Variants in CUX1 observed in about 807,000 individuals in gnomAD.
CUX1 encodes protein CASP.
In CUX1, 31 loss-of-function variants were observed where a neutral mutation model predicts 158.8. That is an observed-to-expected ratio of 0.20 (90% CI 0.15 to 0.26). The LOEUF is 0.26. CUX1 is among the 10% of genes least tolerant of loss of function. The pLI, the probability that CUX1 is intolerant of heterozygous loss-of-function variation, is 1.00. For synonymous variants in CUX1, 879 were observed against 862.1 expected (o/e 1.02, Z -0.34); for missense variants, 1,589 against 2,014.6 (o/e 0.79, Z 4.04).
intron 2 of CUX1, among the ~76,000 whole-genome samples, chr7:101,996,206 A>G (rs1815858548): frequency 6.6e-6 from 1 of 152,096 alleles, no homozygotes; most frequent in Non-Finnish European, 1.5e-5. Flanking sequence ...ATCTTACCCC[A>G]CAGACCCAGG....
intron 1 of CUX1, among the ~76,000 whole-genome samples, chr7:101,860,058 C>T (rs1797275690): frequency 6.9e-6 from 1 of 144,302 alleles, no homozygotes; most frequent in Non-Finnish European, 1.5e-5. Context: ...TTTTTCCTCT[C>T]TCTCTCTGTC....
rs1205333039 is a variant in CUX1, at chr7:102,257,401, C to A, written c.*8359C>A. 1.0e-6 allele frequency: 1 copy of A among 984,790 alleles called. No individual in the cohort carries two copies. Among genetic ancestry groups the A allele is most frequent in the Non-Finnish European group, 1.2e-6 (1 of 829,830 alleles). The allele number at this position is 984,790 out of a possible 1,614,324, so 61.0% of individuals were successfully genotyped here. Reference sequence around the variant, plus strand: ...CTTGAGAAAACGGGCATCTCACGTACCCCCATCTGAGACCTCTTGGAAAAA... The same window carrying A: ...CTTGAGAAAACGGGCATCTCACGTAACCCCATCTGAGACCTCTTGGAAAAA... On this transcript the variant is annotated 3_prime_UTR_variant, in exon 24 of 24. Transcript: ENST00000292535.
chr7:102,074,157 G>A (rs963620986), intron 4 of CUX1, among the ~76,000 whole-genome samples: 9 of 152,198 alleles, frequency 5.9e-5, no homozygotes, highest in East Asian at 1.9e-4. Context: ...GAGGGGAGTC[G>A]GGGTGCCTTA....
intron 3 of CUX1, among the ~76,000 whole-genome samples, chr7:102,069,920 C>CATACCTGT: frequency 6.6e-6 from 1 of 152,318 alleles, no homozygotes; most frequent in South Asian, 2.1e-4. Context: ...GATTTAATTA[C>CATACCTGT]TTGTTAATTA....
chr7:102,080,288 C>T (rs1039343401), intron 4 of CUX1, among the ~76,000 whole-genome samples: 7 of 152,266 alleles, frequency 4.6e-5, no homozygotes, highest in African/African-American at 4.8e-5. Flanking sequence ...TTGCCATGAC[C>T]GGGGTGGTCC....
rs527542101 is a variant in CUX1, at chr7:102,233,981, G to GA, written c.3434-70dup. ...AACTCCTGTGTCTGATTTTAACCTT[G>GA]ACACGTACTTGTCCCTTCAGATCCC... On this transcript the variant is annotated intron_variant, in intron 21 of 23. Transcript: ENST00000292535. The GA allele has an allele frequency of 1.9e-4, 236 of 1,267,436 alleles. 1 individual carries two copies. In the African/African-American group the frequency reaches 3.3e-3, roughly 18 times the overall value. 78.5% of individuals were successfully genotyped at this position (1,267,436 alleles called of 1,614,324 possible). A position where few individuals can be genotyped will look rare whatever the true frequency, so the allele number is the denominator to read the frequency against.
At chr7:101,914,561 T>C (rs1443933610) in intron 1 of CUX1, among the ~76,000 whole-genome samples, 2 of 151,482 alleles carry the variant, frequency 1.3e-5, no homozygotes, top group African/African-American at 2.4e-5. Flanking sequence ...TGCAGTGGCG[T>C]GATCTCGGCT....
chr7:102,129,108 C>T (rs1310454918), intron 8 of CUX1, among the ~76,000 whole-genome samples: 1 of 152,184 alleles, frequency 6.6e-6, no homozygotes, highest in Non-Finnish European at 1.5e-5. Flanking sequence ...CTGCTTACCT[C>T]CCCCTGCTCA....
At chr7:102,240,028 G>A (rs1800021537) in intron 23 of CUX1, among the ~76,000 whole-genome samples, 1 of 152,072 alleles carries the variant, frequency 6.6e-6, no homozygotes, top group East Asian at 1.9e-4. Flanking sequence ...GATTACAGGC[G>A]TGAGCCACCA....
chr7:102,040,163 A>G lies in CUX1; in HGVS notation c.189+12018A>G, dbSNP rs574097178. Among the ~76,000 whole-genome samples, 3 of 152,306 alleles carry G rather than the reference A, an allele frequency of 2.0e-5. No homozygotes were observed. The South Asian group carries it at 6.2e-4, about 32-fold the overall frequency. On this transcript the variant is annotated intron_variant, in intron 3 of 23. Coordinates refer to ENST00000292535, the MANE Select transcript of CUX1 (RefSeq NM_181552.4). The stretch of plus-strand genomic sequence containing the variant: ...TGAAGGGAAACTGATGATAAACACA[A>G]AAGGCAATGTTAGATGGCGCCAGGC...
At chr7:102,073,122 G>A (rs577450728) in intron 4 of CUX1, among the ~76,000 whole-genome samples, 1 of 124,998 alleles carries the variant, frequency 8.0e-6, no homozygotes, top group African/African-American at 3.1e-5. Flanking sequence ...CCCAAAGACT[G>A]TTTAGCTGCT....
At chr7:101,865,630 T>G (rs780502071) in intron 1 of CUX1, among the ~76,000 whole-genome samples, 2 of 152,214 alleles carry the variant, frequency 1.3e-5, no homozygotes, top group Non-Finnish European at 2.9e-5. Flanking sequence ...GTTTCCACAT[T>G]CATTCTTACG....
intron 14 of CUX1, among the ~76,000 whole-genome samples, chr7:102,268,940 CTT>C (rs34870289): frequency 4.9e-5 from 7 of 143,250 alleles, no homozygotes; most frequent in Admixed American, 7.0e-5. Context: ...GGATTAATTA[CTT>C]TTTTTTTTTT....
intron 11 of CUX1, among the ~76,000 whole-genome samples, chr7:102,179,115 T>C (rs1180929491): frequency 6.6e-6 from 1 of 152,232 alleles, no homozygotes; most frequent in African/African-American, 2.4e-5. Context: ...TGGCATGATC[T>C]GGGCTCACAG....
rs117035115 is a variant in CUX1, at chr7:102,007,172, C to T, written c.142-20926C>T. The stretch of plus-strand genomic sequence containing the variant: ...TGATTGAATTTTTGAGACAGGGTCT[C>T]GCTCTGTAGCGCAGGCTGGAGTGCA... On this transcript the variant is annotated intron_variant, in intron 2 of 23. Coordinates refer to ENST00000292535, the MANE Select transcript of CUX1 (RefSeq NM_181552.4). Among the ~76,000 whole-genome samples the T allele has an allele frequency of 6.7e-3, 1,018 of 152,268 alleles. 5 individuals carry two copies. Among genetic ancestry groups the T allele is most frequent in the Non-Finnish European group, 0.01 (694 of 68,016 alleles).
intron 8 of CUX1, among the ~76,000 whole-genome samples, chr7:102,146,413 C>T (rs528170055): frequency 6.6e-6 from 1 of 152,226 alleles, no homozygotes; most frequent in South Asian, 2.1e-4. Context: ...CCCGCACGTG[C>T]CGTAGAAGGT....
At chr7:102,053,346 G>C (rs969702604) in intron 3 of CUX1, among the ~76,000 whole-genome samples, 4 of 152,060 alleles carry the variant, frequency 2.6e-5, no homozygotes, top group African/African-American at 9.7e-5. Context: ...ATGGGGTGGA[G>C]CACATGAGAT....
intron 7 of CUX1, among the ~76,000 whole-genome samples, chr7:102,114,287 C>T (rs1831226339): frequency 6.6e-6 from 1 of 152,148 alleles, no homozygotes; most frequent in Admixed American, 6.5e-5. Flanking sequence ...TTTTGTTACA[C>T]TTTTTTGAAA....
chr7:101,906,291 C>T (rs1257929690), intron 1 of CUX1, among the ~76,000 whole-genome samples: 1 of 152,010 alleles, frequency 6.6e-6, no homozygotes, highest in African/African-American at 2.4e-5. Flanking sequence ...CACGCAGCCA[C>T]TCACTGAGCT....
Sources: allele counts gnomAD v4.1 joint callset (sites outside exome capture counted in the v4.1 genomes callset), GRCh38; gene constraint gnomAD v4.1.1; transcripts MANE v1.5; gene names NCBI Gene and HGNC (gene_info 2026-07-23, HGNC 2026-07-21).